WRN: variants seen among roughly 807,000 people sequenced by gnomAD.
WRN encodes the protein bifunctional 3'-5' exonuclease/ATP-dependent helicase WRN.
A neutral mutation model predicts 180.7 loss-of-function variants in WRN; 149 were observed. The observed-to-expected ratio is 0.82, with a 90% CI of 0.72 to 0.94. WRN has a LOEUF of 0.94. Ranked by LOEUF, WRN falls within the 40% of genes least tolerant of loss-of-function variation. The pLI is 0.00. For synonymous variants in WRN, 548 were observed against 568.9 expected, an observed-to-expected ratio of 0.96 and a Z score of 0.52; for missense variants, 1,661 against 1,700.1, an observed-to-expected ratio of 0.98 and a Z score of 0.40.
intron 24 of WRN, among the ~76,000 whole-genome samples, chr8:31,135,315 C>T (rs909769888): frequency 6.6e-6 from 1 of 152,018 alleles, no homozygotes; most frequent in African/African-American, 2.4e-5. Context: ...CCACCCTTGG[C>T]CTCCCAAAGC....
chr8:31,127,953 A>G (rs1461036818), intron 23 of WRN, among the ~76,000 whole-genome samples: 1 of 151,896 alleles, frequency 6.6e-6, no homozygotes, highest in African/African-American at 2.4e-5. Flanking sequence ...AATAATAATG[A>G]TAAAAACTAG....
At chr8:31,057,029 C>G (rs1437181342) in intron 1 of WRN, among the ~76,000 whole-genome samples, 1 of 151,962 alleles carries the variant, frequency 6.6e-6, no homozygotes, top group Admixed American at 6.6e-5. Flanking sequence ...TGTACAATAG[C>G]GATGGAGTTT....
intron 33 of WRN, among the ~76,000 whole-genome samples, chr8:31,160,708 G>T (rs566335490): frequency 6.6e-6 from 1 of 152,152 alleles, no homozygotes; most frequent in Non-Finnish European, 1.5e-5. Flanking sequence ...GTGCAGGCTG[G>T]GCACAGTGGC....
At chr8:31,102,808 A>T (rs1328561112) in intron 18 of WRN, among the ~76,000 whole-genome samples, 3 of 152,038 alleles carry the variant, frequency 2.0e-5, no homozygotes, top group South Asian at 2.1e-4. Flanking sequence ...AATTTTTAAA[A>T]TTTTCTTTAA....
chr8:31,096,925 G>T (rs1413663246), intron 17 of WRN, 75 bp downstream of exon 17: 1 of 1,330,494 alleles, frequency 7.5e-7, no homozygotes, highest in Non-Finnish European at 1.1e-6. Flanking sequence ...ATGGACACTG[G>T]ATTTCACTTC....
intron 32 of WRN, 89 bp from the exon 33 acceptor site, chr8:31,157,279 T>C: frequency 1.3e-6 from 2 of 1,567,196 alleles, no homozygotes; most frequent in Non-Finnish European, 1.7e-6. Context: ...CACTGAGCAT[T>C]TACTACCTGA....
rs61761625 is a variant in WRN, at chr8:31,065,005, G to T, written c.446G>T (p.Arg149Leu). The T allele has an allele frequency of 6.2e-7, 1 of 1,613,646 alleles. No homozygotes were observed. The highest frequency in any genetic ancestry group is 8.5e-7 in the Non-Finnish European group (1 of 1,179,762). Residue 149 changes from arginine to leucine, a missense_variant, in exon 5 of 35, where the codon CGT (arginine) becomes CTT (leucine). This residue lies in a region of WRN where 500 missense variants were observed against 504.1 expected (regional missense o/e 0.99). Transcript: ENST00000298139. ...GAAGGAGATCAGTGGAAACTTCTAC[G>T]TGACTTTGATATCAAATTGAAGAAT... is the stretch of plus-strand genomic sequence containing the variant. ...GIEGDQWKLL[R>L]DFDIKLKNFV...
At chr8:31,131,160 C>CTTTCTTTTTT (rs144507657) in intron 23 of WRN, among the ~76,000 whole-genome samples, 1 of 106,840 alleles carries the variant, frequency 9.4e-6, no homozygotes, top group African/African-American at 3.5e-5. Flanking sequence ...TTGCAACTTT[C>CTTTCTTTTTT]TTTTTTTTTG....
intron 1 of WRN, among the ~76,000 whole-genome samples, chr8:31,036,585 A>G (rs189677336): frequency 6.0e-4 from 92 of 152,208 alleles, no homozygotes; most frequent in East Asian, 1.4e-3. Flanking sequence ...ATTTTGATTT[A>G]CATTTCCCTG....
chr8:31,071,681 C>T (rs1370393525), intron 7 of WRN, among the ~76,000 whole-genome samples: 2 of 152,172 alleles, frequency 1.3e-5, no homozygotes, highest in South Asian at 2.1e-4. Context: ...GTGGTTTCGC[C>T]ATGTTGGCCA....
intron 23 of WRN, chr8:31,131,946 T>G (rs1194288773): frequency 6.5e-6 from 1 of 153,658 alleles, no homozygotes; most frequent in Non-Finnish European, 1.3e-5. Context: ...GTGTTTTTTC[T>G]AAGCTGAAAG....
chr8:31,167,588 C>T (rs892146678), intron 34 of WRN, among the ~76,000 whole-genome samples: 1 of 151,984 alleles, frequency 6.6e-6, no homozygotes, highest in African/African-American at 2.4e-5. Context: ...ATTATAAATA[C>T]CTCCCAAACT....
At chr8:31,160,433 C>A (rs910542175) in intron 33 of WRN, among the ~76,000 whole-genome samples, 2 of 152,190 alleles carry the variant, frequency 1.3e-5, no homozygotes, top group Non-Finnish European at 2.9e-5. Flanking sequence ...TGGTCACCTT[C>A]TAATCTTCCT....
At position 31,142,637 on chromosome 8, in the gene WRN, T is replaced by C; in HGVS notation, c.3245T>C (p.Val1082Ala). ...KKLLLPSSKT[V>A]SSGTKEHCYN... ...TTATTATTTTTTAGTTCGAAAACTG[T>C]ATCTTCGGGCACCAAAGAGCATTGT... The change falls in exon 27 of 35, where the codon GTA becomes GCA. Residue 1082 changes from valine to alanine, a missense_variant. Val to Ala is a moderately conservative substitution (Grantham distance 64). Transcript: ENST00000298139. 1 of 1,599,468 alleles carries C rather than the reference T, an allele frequency of 6.3e-7. No individual in the cohort carries two copies.
intron 18 of WRN, among the ~76,000 whole-genome samples, chr8:31,109,581 TAGA>T (rs1368102053): frequency 6.6e-6 from 1 of 152,176 alleles, no homozygotes; most frequent in African/African-American, 2.4e-5. Context: ...AGTTGTTATA[TAGA>T]ATTCTTTTTA....
At chr8:31,143,024 G>GAC (rs10529735) in intron 27 of WRN, among the ~76,000 whole-genome samples, 46,657 of 136,290 alleles carry the variant, frequency 0.34, 7,914 homozygotes, top group South Asian at 0.48. Context: ...TCTTATTAAA[G>GAC]ACACACACAC....
At position 31,088,895 on chromosome 8, in the gene WRN, T is replaced by A. The variant is rs752994352; in HGVS notation, c.1582T>A (p.Leu528Met). 2.5e-5 allele frequency: 40 copies of A among 1,610,036 alleles called. No individual in the cohort carries two copies. Among genetic ancestry groups the A allele is most frequent in the Admixed American group, 3.3e-5 (2 of 59,726 alleles). The change falls in exon 13 of 35, where the codon TTG (leucine) becomes ATG (methionine). Residue 528 changes from leucine (L) to methionine (M), a missense_variant. Leu to Met is a conservative substitution (Grantham distance 15). Coordinates refer to ENST00000298139, the MANE Select transcript of WRN (RefSeq NM_000553.6). ...ACATTTTATTTTATTTCCAGACTTT[T>A]TGTGGCCAGCACCCAATGAAGAGCA... ...EGEEDDDKDF[L>M]WPAPNEEQVT...
chr8:31,059,755 T>C (rs1812414607), intron 3 of WRN, among the ~76,000 whole-genome samples: 1 of 152,108 alleles, frequency 6.6e-6, no homozygotes, highest in South Asian at 2.1e-4. Context: ...CCTTAAAAAA[T>C]GTTCTAACTA....
chr8:31,148,984 T>C (rs1173916003), intron 30 of WRN, among the ~76,000 whole-genome samples: 2 of 152,242 alleles, frequency 1.3e-5, no homozygotes, highest in Non-Finnish European at 2.9e-5. Context: ...ATTTGTCTTT[T>C]ACTTCCTTTT....
Sources: gnomAD v4.1 joint callset for allele counts (sites outside exome capture counted in the v4.1 genomes callset) on GRCh38, gnomAD v4.1.1 for gene constraint, gnomAD v4.1.1 regional missense constraint, MANE v1.5 for transcripts, NCBI Gene and HGNC (gene_info 2026-07-23, HGNC 2026-07-21) for gene names.